CASK: variants seen among roughly 807,000 people sequenced by gnomAD.
The protein encoded by CASK is calcium/calmodulin dependent serine protein kinase, also known as peripheral plasma membrane protein CASK.
CASK carries 4 observed loss-of-function variants against 82.9 expected under a neutral mutation model. That is an observed-to-expected ratio of 0.05 (90% confidence interval 0.02 to 0.11). The LOEUF is 0.11. Ranked by LOEUF, CASK falls within the 10% of genes least tolerant of loss-of-function variation. The probability of loss-of-function intolerance (pLI) is 1.00; values close to 1 mark genes in which losing one functional copy is unlikely to be tolerated. For synonymous variants in CASK, 259 were observed against 253.5 expected (o/e 1.02, Z -0.20); for missense variants, 358 against 720.9 (o/e 0.50, Z 5.76).
chrX:41,665,718 G>GT, intron 6 of CASK: 2 of 368,460 alleles, frequency 5.4e-6, no homozygotes, highest in South Asian at 1.0e-4. Flanking sequence ...TACGTAGTAG[G>GT]TATTTATGTG....
chrX:41,606,016 T>C (rs1230079280), intron 12 of CASK, among the ~76,000 whole-genome samples: 1 of 111,950 alleles, frequency 8.9e-6, no homozygotes, highest in East Asian at 2.8e-4. Flanking sequence ...CCTCAAGAGT[T>C]CGTCATAGCC....
At chrX:41,671,552 C>T (rs1379569575) in intron 5 of CASK, 22 bp from the exon 6 acceptor site, 1 of 1,033,900 alleles carries the variant, frequency 9.7e-7, no homozygotes, top group Non-Finnish European at 1.4e-6. Flanking sequence ...AACAGACGAA[C>T]AAACAAACAA....
At chrX:41,620,570 T>C (rs2066273363) in intron 11 of CASK, among the ~76,000 whole-genome samples, 1 of 112,220 alleles carries the variant, frequency 8.9e-6, no homozygotes, top group Admixed American at 9.5e-5. Flanking sequence ...AGGTATACTG[T>C]TTTAAGTTAA....
chrX:41,912,552 C>A (rs1190626667), intron 1 of CASK, among the ~76,000 whole-genome samples: 1 of 108,036 alleles, frequency 9.3e-6, no homozygotes, highest in Non-Finnish European at 1.9e-5. Context: ...AAGTGAGCCA[C>A]CCACCTCAGC....
intron 3 of CASK, among the ~76,000 whole-genome samples, chrX:41,749,828 C>A (rs2068758057): frequency 8.9e-6 from 1 of 111,871 alleles, no homozygotes; most frequent in Admixed American, 9.5e-5. Flanking sequence ...CTAATATTCT[C>A]ATCAATGAAC....
At chrX:41,524,313 A>G in intron 25 of CASK, 1 of 307,311 alleles carries the variant, frequency 3.3e-6, no homozygotes, top group Non-Finnish European at 5.7e-6. Context: ...GTTAACACTG[A>G]TTATGTTGGT....
rs138919570 is a variant in CASK, at chrX:41,718,265, T to G, written c.429+21119A>C. Among the ~76,000 whole-genome samples, 292 of 113,470 alleles carry G rather than the reference T, an allele frequency of 2.6e-3. 1 individual carries two copies. The highest frequency in any genetic ancestry group is 0.011 in the South Asian group (31 of 2,804). ...TGTATGCATCTCTTCAACTGTATCC[T>G]TTGTAATATACTTTATAATAAATCG... On this transcript the variant is annotated intron_variant, in intron 5 of 26. Coordinates refer to ENST00000378163, the MANE Select transcript of CASK (RefSeq NM_001367721.1).
intron 5 of CASK, among the ~76,000 whole-genome samples, chrX:41,676,896 G>A (rs770028690): frequency 1.5e-4 from 17 of 112,194 alleles, no homozygotes; most frequent in Non-Finnish European, 2.8e-4. Context: ...GAGCGTGAGA[G>A]AAAGACACAA....
intron 5 of CASK, among the ~76,000 whole-genome samples, chrX:41,686,477 C>A (rs1198613754): frequency 9.2e-6 from 1 of 108,434 alleles, no homozygotes; most frequent in Admixed American, 9.9e-5. Flanking sequence ...GGCTCAAGTG[C>A]TCCTCCCATC....
chrX:41,571,734 T>TAAGCTG (rs2065415472), intron 15 of CASK, among the ~76,000 whole-genome samples: 1 of 112,295 alleles, frequency 8.9e-6, no homozygotes, highest in Non-Finnish European at 1.9e-5. Context: ...TTTTAAGGTA[T>TAAGCTG]AAGCTGAAGT....
intron 5 of CASK, among the ~76,000 whole-genome samples, chrX:41,702,766 C>A (rs960005281): frequency 7.1e-5 from 8 of 112,074 alleles, no homozygotes; most frequent in South Asian, 3.7e-4. Flanking sequence ...TGCACTCCAG[C>A]CTGATGAAAG....
intron 5 of CASK, chrX:41,675,974 A>G (rs1167798551): frequency 8.3e-7 from 1 of 1,206,475 alleles, no homozygotes; most frequent in Non-Finnish European, 1.1e-6. Flanking sequence ...GAACACAGAG[A>G]AGTTAAGGGC....
chrX:41,730,886 G>A (rs1006199237), intron 5 of CASK, among the ~76,000 whole-genome samples: 6 of 110,459 alleles, frequency 5.4e-5, no homozygotes, highest in Non-Finnish European at 9.5e-5. Flanking sequence ...TTATTTTTTT[G>A]TAGAGACGGG....
chrX:41,599,603 C>T, intron 12 of CASK, among the ~76,000 whole-genome samples: 1 of 111,675 alleles, frequency 9.0e-6, no homozygotes, highest in Non-Finnish European at 1.9e-5. Flanking sequence ...TTTTTGAATT[C>T]AAGAAATTAA....
chrX:41,726,830 C>T (rs893938800), intron 5 of CASK: 2 of 295,819 alleles, frequency 6.8e-6, no homozygotes, highest in South Asian at 3.9e-4. Flanking sequence ...ACCGGACAAT[C>T]GTGATTAGAA....
intron 15 of CASK, 107 bp downstream of exon 15, chrX:41,578,233 C>T (rs931147649): frequency 5.6e-6 from 3 of 534,833 alleles, no homozygotes; most frequent in Admixed American, 6.1e-5. Flanking sequence ...TAAAACTATC[C>T]ATGTCTTCCT....
At chrX:41,531,684 C>G (rs975184927) in intron 24 of CASK, among the ~76,000 whole-genome samples, 2 of 112,491 alleles carry the variant, frequency 1.8e-5, no homozygotes, top group South Asian at 7.4e-4. Context: ...GATTCAATAA[C>G]CACGTATGGT....
chrX:41,537,765 A>T (rs1288176082), intron 22 of CASK, among the ~76,000 whole-genome samples: 2 of 108,491 alleles, frequency 1.8e-5, no homozygotes, highest in African/African-American at 6.7e-5. Flanking sequence ...TTTGCTTTTC[A>T]CTTTGTACCT....
rs758821704 is a variant in CASK, at chrX:41,841,813, C to T, written c.172+11302G>A. Reference sequence around the variant, plus strand: ...CTGAGCTTATGGGCATGAGCCACCACGCCTAGCCTCTTTTTACTTTCTTGA... The same window carrying T: ...CTGAGCTTATGGGCATGAGCCACCATGCCTAGCCTCTTTTTACTTTCTTGA... On this transcript the variant is annotated intron_variant, in intron 2 of 26. Coordinates refer to ENST00000378163, the MANE Select transcript of CASK (RefSeq NM_001367721.1). 6.3e-5 allele frequency among the ~76,000 whole-genome samples: 7 copies of T among 111,978 alleles called. No homozygotes were observed. In the South Asian group the frequency reaches 1.5e-3, roughly 24 times the overall value.
Sources: allele counts gnomAD v4.1 joint callset (sites outside exome capture counted in the v4.1 genomes callset), GRCh38; gene constraint gnomAD v4.1.1; transcripts MANE v1.5; gene names NCBI Gene and HGNC (gene_info 2026-07-23, HGNC 2026-07-21).